The following UPF1 variants were observed in gnomAD, a reference collection of about 807,000 sequenced individuals.
UPF1 encodes UPF1 RNA helicase and ATPase.
UPF1 carries 9 observed loss-of-function variants against 129.2 expected under a neutral mutation model. The observed-to-expected ratio is 0.07, with a 90% CI of 0.04 to 0.12. UPF1 has a LOEUF of 0.12. UPF1 is among the 10% of genes least tolerant of loss of function. The pLI, the probability that UPF1 is intolerant of heterozygous loss-of-function variation, is 1.00. For missense variants in UPF1, 788 were observed against 1,525.3 expected (o/e 0.52, Z 8.05); for synonymous variants, 649 against 644.9 (o/e 1.01, Z -0.10).
rs567231657 is a variant in UPF1, at chr19:18,853,549, T to C, written c.1156+199T>C. Among the ~76,000 whole-genome samples the C allele has an allele frequency of 1.3e-5, 2 of 152,362 alleles. No homozygotes were observed. The highest frequency in any genetic ancestry group is 4.1e-4 in the South Asian group (2 of 4,834). ...TTCAGGGGACAGCTGGTTGTATGGT[T>C]GCTTCCCCTCTGCCCGAATGGTGAT... On this transcript the variant is annotated intron_variant, in intron 8 of 23. Coordinates refer to ENST00000262803, the MANE Select transcript of UPF1 (RefSeq NM_002911.4). The surrounding 1 kb of genome is among the most constrained non-coding windows in gnomAD (Gnocchi z 4.4).
intron 14 of UPF1, 36 bp downstream of exon 14, chr19:18,857,056 C>A: frequency 6.3e-7 from 1 of 1,590,686 alleles, no homozygotes; most frequent in South Asian, 1.1e-5. Flanking sequence ...TGTGAAAACT[C>A]GTGTGTGTGA....
Position 18,851,469 on chromosome 19 carries a change from G to A in UPF1, c.810+601G>A, listed in dbSNP as rs927536360. Reference sequence around the variant, plus strand: ...TCAGAAATCTCACATAGGAAATGAAGTGCAAGTTAAAATATTTTTTTAAGC... The same window carrying A: ...TCAGAAATCTCACATAGGAAATGAAATGCAAGTTAAAATATTTTTTTAAGC... On this transcript the variant is annotated intron_variant, in intron 5 of 23. Coordinates refer to ENST00000262803, the MANE Select transcript of UPF1 (RefSeq NM_002911.4). This position sits in a 1 kb window ranked among gnomAD's most constrained non-coding sequence, Gnocchi z 4.2. Among the ~76,000 whole-genome samples the A allele has an allele frequency of 1.3e-5, 2 of 152,240 alleles. No homozygotes were observed. The highest frequency in any genetic ancestry group is 4.8e-5 in the African/African-American group (2 of 41,466).
At chr19:18,857,972 C>T (rs993270364) in intron 15 of UPF1, among the ~76,000 whole-genome samples, 5 of 152,244 alleles carry the variant, frequency 3.3e-5, no homozygotes, top group Non-Finnish European at 7.3e-5. Context: ...ACTCTGCTGA[C>T]GCTCACACTG....
At position 18,851,988 on chromosome 19, in the gene UPF1, G is replaced by C; in HGVS notation, c.811-147G>C. On this transcript the variant is annotated intron_variant, in intron 5 of 23. Coordinates refer to ENST00000262803, the MANE Select transcript of UPF1 (RefSeq NM_002911.4). This position sits in a 1 kb window ranked among gnomAD's most constrained non-coding sequence, Gnocchi z 4.2. Reference sequence around the variant, plus strand: ...TCCCAGGGTTCTCCTTGCAGGTGGGGCTGCGCCAGAACCCCTCCATGCCAC... The same window carrying C: ...TCCCAGGGTTCTCCTTGCAGGTGGGCCTGCGCCAGAACCCCTCCATGCCAC... 8.4e-7 allele frequency: 1 copy of C among 1,187,582 alleles called. No individual in the cohort carries two copies. Among genetic ancestry groups the C allele is most frequent in the Non-Finnish European group, 1.1e-6 (1 of 888,178 alleles). 73.6% of individuals were successfully genotyped at this position (1,187,582 alleles called of 1,614,324 possible).
At chr19:18,858,128 C>T (rs762332431) in intron 15 of UPF1, among the ~76,000 whole-genome samples, 19 of 152,182 alleles carry the variant, frequency 1.2e-4, no homozygotes, top group Middle Eastern at 3.2e-3. Context: ...TAAAATTTCT[C>T]GTGACACCTT....
chr19:18,850,901 C>T lies in UPF1; in HGVS notation c.810+33C>T, dbSNP rs112711318. 8.1e-5 allele frequency: 122 copies of T among 1,505,390 alleles called. 1 individual carries two copies. The African/African-American group carries it at 1.0e-3, about 12-fold the overall frequency. The allele number at this position is 1,505,390 out of a possible 1,614,324, so 93.3% of individuals were successfully genotyped here. On this transcript the variant is annotated intron_variant, in intron 5 of 23. Coordinates refer to ENST00000262803, the MANE Select transcript of UPF1 (RefSeq NM_002911.4). The surrounding 1 kb of genome is among the most constrained non-coding windows in gnomAD (Gnocchi z 7.1). ...TGCCCAGCGGGCCGACCCGTGCCTT[C>T]GTGTGGTTTCTGGTTGCGGGGAGGG...
chr19:18,844,068 G>T (rs2055571483), intron 1 of UPF1, among the ~76,000 whole-genome samples: 1 of 152,096 alleles, frequency 6.6e-6, no homozygotes, highest in Non-Finnish European at 1.5e-5. Context: ...CTGCCCTGAT[G>T]CACGGTCTGA....
chr19:18,862,624 T>A (rs2055792800), intron 18 of UPF1, among the ~76,000 whole-genome samples: 1 of 151,888 alleles, frequency 6.6e-6, no homozygotes, highest in African/African-American at 2.4e-5. Context: ...TCACCTGAGG[T>A]CAGGTGTTCT....
rs773548031 is a variant in UPF1, at chr19:18,856,256, C to G, written c.1780C>G (p.Arg594Gly). The change falls in exon 13 of 24, where the codon CGG becomes GGG. Residue 594 changes from arginine to glycine, a missense_variant. Around this residue, in one of 6 missense-constraint regions of UPF1, gnomAD observed 91 missense variants for 157.2 expected, o/e 0.58. Coordinates refer to ENST00000262803, the MANE Select transcript of UPF1 (RefSeq NM_002911.4). ...GGAGCTGTCGTCTGCCGACGAGAAGCGGTACCGGGCCTTGAAGCGCACCGC... is the reference window on the plus strand; with the variant it reads ...GGAGCTGTCGTCTGCCGACGAGAAGGGGTACCGGGCCTTGAAGCGCACCGC... ...TGELSSADEK[R>G]YRALKRTAER... 1 of 1,608,026 alleles carries G rather than the reference C, an allele frequency of 6.2e-7. No homozygotes were observed.
Position 18,853,355 on chromosome 19 carries a change from C to A in UPF1, c.1156+5C>A. 6.3e-7 allele frequency: 1 copy of A among 1,598,362 alleles called. No homozygotes were observed. The highest frequency in any genetic ancestry group is 1.3e-5 in the African/African-American group (1 of 74,292). On this transcript the variant is annotated splice_donor_5th_base_variant and intron_variant, in intron 8 of 23. Coordinates refer to ENST00000262803, the MANE Select transcript of UPF1 (RefSeq NM_002911.4). This position sits in a 1 kb window ranked among gnomAD's most constrained non-coding sequence, Gnocchi z 4.4. The stretch of plus-strand genomic sequence containing the variant: ...ACGTCATCAAGGTCCCTGATAGTAT[C>A]CTTCATGTGAAGAGGGTGTGGCCGG...
intron 15 of UPF1, among the ~76,000 whole-genome samples, chr19:18,857,835 G>T (rs1032099562): frequency 6.6e-6 from 1 of 152,254 alleles, no homozygotes; most frequent in African/African-American, 2.4e-5. Context: ...CTGAGCCCGG[G>T]CCTTAACGTG....
In UPF1 at chr19:18,853,380, G is replaced by T; in HGVS notation, c.1156+30G>T. ...CCTTCATGTGAAGAGGGTGTGGCCG[G>T]CTGGTGGGAGAGGAAAGTGGGGGCA... On this transcript the variant is annotated intron_variant, in intron 8 of 23. Transcript: ENST00000262803. The surrounding 1 kb of genome is among the most constrained non-coding windows in gnomAD (Gnocchi z 4.4). The T allele has an allele frequency of 6.4e-7, 1 of 1,565,110 alleles. No individual in the cohort carries two copies. The highest frequency in any genetic ancestry group is 8.7e-7 in the Non-Finnish European group (1 of 1,155,266).
intron 1 of UPF1, among the ~76,000 whole-genome samples, chr19:18,834,997 G>A (rs1020661182): frequency 6.6e-6 from 1 of 152,042 alleles, no homozygotes; most frequent in Non-Finnish European, 1.5e-5. Flanking sequence ...TGTACAGTTC[G>A]GCGGCTTTTA....
intron 15 of UPF1, among the ~76,000 whole-genome samples, chr19:18,858,214 T>C (rs1397028513): frequency 1.3e-5 from 2 of 152,214 alleles, no homozygotes; most frequent in Non-Finnish European, 2.9e-5. Context: ...GGCAGACTTT[T>C]TCCAAAAATG....
intron 2 of UPF1, among the ~76,000 whole-genome samples, chr19:18,846,539 T>C (rs2055602087): frequency 6.6e-6 from 1 of 152,080 alleles, no homozygotes; most frequent in Non-Finnish European, 1.5e-5. Context: ...CCCGCTGCCT[T>C]GGCCGTGCCT....
At chr19:18,839,164 T>C (rs2055514593) in intron 1 of UPF1, among the ~76,000 whole-genome samples, 1 of 152,128 alleles carries the variant, frequency 6.6e-6, no homozygotes. Context: ...CGATCTTGGC[T>C]CACTACAACC....
intron 15 of UPF1, 142 bp downstream of exon 15, chr19:18,857,675 C>A: frequency 1.0e-6 from 1 of 980,274 alleles, no homozygotes. Context: ...ACTTTGTGCC[C>A]AAGGTCTTGA....
In UPF1 at chr19:18,832,238, C is replaced by A; in HGVS notation, c.29C>A (p.Ser10Ter). The A allele has an allele frequency of 6.5e-7, 1 of 1,549,022 alleles. No homozygotes were observed. Among genetic ancestry groups the A allele is most frequent in the East Asian group, 2.7e-5 (1 of 37,092 alleles). Reference sequence around the variant, plus strand: ...AGCGTGGAGGCGTACGGGCCCAGCTCGCAGACTCTCACTTTCCTGGACACG... The same window carrying A: ...AGCGTGGAGGCGTACGGGCCCAGCTAGCAGACTCTCACTTTCCTGGACACG... Reference protein sequence around the residue: MSVEAYGPSSQTLTFLDTEE... With the variant: MSVEAYGPS Residue 10 changes from serine (S) to a stop codon, truncating the protein, a stop_gained, in exon 1 of 24, where the codon TCG (serine) becomes TAG (stop). Coordinates refer to ENST00000262803, the MANE Select transcript of UPF1 (RefSeq NM_002911.4). LOFTEE classifies it high-confidence loss of function. This position sits in a 1 kb window ranked among gnomAD's most constrained non-coding sequence, Gnocchi z 5.6.
chr19:18,841,583 C>G (rs949409544), intron 1 of UPF1, among the ~76,000 whole-genome samples: 1 of 152,196 alleles, frequency 6.6e-6, no homozygotes, highest in Admixed American at 6.5e-5. Flanking sequence ...CGCTGCTTTT[C>G]ATCTCGCCAA....
Sources: gnomAD v4.1 joint callset for allele counts (sites outside exome capture counted in the v4.1 genomes callset) on GRCh38, gnomAD v4.1.1 for gene constraint, gnomAD v4.1.1 regional missense constraint, Gnocchi (gnomAD v3.1) non-coding constraint, MANE v1.5 for transcripts, NCBI Gene and HGNC (gene_info 2026-07-23, HGNC 2026-07-21) for gene names.